The following PKD1L3 variants were observed in gnomAD, a reference collection of about 807,000 sequenced individuals.
PKD1L3 encodes the protein polycystin-1-like protein 3.
In PKD1L3, 239 loss-of-function variants were observed where a neutral mutation model predicts 184.1. The observed-to-expected ratio is 1.30, with a 90% CI of 1.17 to 1.45. The LOEUF is 1.45. PKD1L3 is among the 40% of genes most tolerant of loss of function. The pLI, the probability that PKD1L3 is intolerant of heterozygous loss-of-function variation, is 0.00. For synonymous variants in PKD1L3, 996 were observed against 778.8 expected (o/e 1.28, Z -4.64); for missense variants, 2,660 against 2,067.2 (o/e 1.29, Z -5.56).
Position 71,973,442 on chromosome 16 carries a change from A to G in PKD1L3, c.1835T>C (p.Leu612Pro). The change falls in exon 12 of 30, where the codon CTG becomes CCG. Residue 612 changes from leucine (L) to proline (P), a missense_variant. Coordinates refer to ENST00000620267, the MANE Select transcript of PKD1L3 (RefSeq NM_181536.2). ...CTGAGCACCCTCCTGCCTCTCACTC[A>G]GCACAGCTGTTATATAGTAGGTGCC... ...GIGTYYITAV[L>P]SERQEGAQQT... The G allele has an allele frequency of 6.4e-7, 1 of 1,551,816 alleles. No homozygotes were observed. Among genetic ancestry groups the G allele is most frequent in the Non-Finnish European group, 8.7e-7 (1 of 1,147,038 alleles).
intron 16 of PKD1L3, among the ~76,000 whole-genome samples, chr16:71,955,624 G>A (rs2039015784): frequency 6.6e-6 from 1 of 151,852 alleles, no homozygotes. Context: ...GTGTGCAGGT[G>A]CACACCACTA....
intron 6 of PKD1L3, among the ~76,000 whole-genome samples, chr16:71,982,520 G>A (rs2040201545): frequency 6.6e-6 from 1 of 151,888 alleles, no homozygotes. Context: ...CCTGACCTCA[G>A]GTGATCTTCC....
chr16:71,977,925 C>G (rs2039993435), intron 10 of PKD1L3, among the ~76,000 whole-genome samples: 1 of 152,166 alleles, frequency 6.6e-6, no homozygotes, highest in African/African-American at 2.4e-5. Flanking sequence ...CAGCCACCCA[C>G]TGCCATGCCA....
chr16:71,965,099 T>C (rs562617615), intron 15 of PKD1L3, among the ~76,000 whole-genome samples: 1 of 152,064 alleles, frequency 6.6e-6, no homozygotes, highest in Non-Finnish European at 1.5e-5. Context: ...CTAACCACCT[T>C]GGCCCCCCAA....
rs575951926 is a variant in PKD1L3 at position 71,995,303 on chromosome 16, T to C, written c.419-1971A>G. ...AGCCCCACGTCTTAATGCGATCACA[T>C]TGGCAACACCTGTTTTGGAAGGGGC... is the stretch of plus-strand genomic sequence containing the variant. On this transcript the variant is annotated intron_variant, in intron 2 of 29. Coordinates refer to ENST00000620267, the MANE Select transcript of PKD1L3 (RefSeq NM_181536.2). Among the ~76,000 whole-genome samples the C allele has an allele frequency of 1.2e-4, 19 of 152,290 alleles. No homozygotes were observed. The South Asian group carries it at 2.1e-3, about 17-fold the overall frequency.
chr16:71,930,187 G>A lies in PKD1L3; in HGVS notation c.4927-4C>T. On this transcript the variant is annotated splice_polypyrimidine_tract_variant and splice_region_variant and intron_variant, in intron 28 of 29. Transcript: ENST00000620267. ...GGACTGGGTCTAAAGCGAAAACCTG[G>A]GAAAACAATAAGAACACTTGCAGTG... 2.0e-6 allele frequency: 3 copies of A among 1,538,392 alleles called. No individual in the cohort carries two copies. The highest frequency in any genetic ancestry group is 1.2e-5 in the South Asian group (1 of 82,714).
In PKD1L3 at chr16:71,940,499, A is replaced by AT. The variant is rs150640830; in HGVS notation, c.4324+2060dup. On this transcript the variant is annotated intron_variant, in intron 24 of 29. Transcript: ENST00000620267. ...GCATGGGCACAGAGCTTTGTTTTTT[A>AT]TTTTTTTTTTATTTTTTTGAGATGG... Among the ~76,000 whole-genome samples the AT allele has an allele frequency of 4.5e-3, 679 of 149,792 alleles. 4 individuals carry two copies. Among genetic ancestry groups the AT allele is most frequent in the Middle Eastern group, 0.01 (3 of 286 alleles).
chr16:71,950,170 G>C lies in PKD1L3; in HGVS notation c.3331C>G (p.Leu1111Val). The C allele has an allele frequency of 7.7e-6, 12 of 1,552,296 alleles. No individual in the cohort carries two copies. Among genetic ancestry groups the C allele is most frequent in the Non-Finnish European group, 1.0e-5 (12 of 1,147,112 alleles). Residue 1111 changes from leucine to valine, a missense_variant, in exon 20 of 30, where the codon CTC becomes GTC. Transcript: ENST00000620267. ...FLDAASQLQK[L>V]QELLETHILP... ...ATATGTGTTTCCAAGAGTTCCTGGA[G>C]TTTTTGAAGTTGGCTGGCTGCATCT...
At chr16:71,994,869 T>C (rs1419634479) in intron 2 of PKD1L3, among the ~76,000 whole-genome samples, 1 of 151,816 alleles carries the variant, frequency 6.6e-6, no homozygotes, top group Admixed American at 6.6e-5. Context: ...GTGCCTATAA[T>C]CCCAGCTACT....
intron 5 of PKD1L3, 87 bp from the exon 6 acceptor site, chr16:71,984,254 C>G: frequency 7.3e-7 from 1 of 1,373,828 alleles, no homozygotes; most frequent in East Asian, 2.6e-5. Flanking sequence ...TCCAAGTTGA[C>G]CTTGGGTAAC....
At chr16:71,959,942 G>C (rs2039205429) in intron 16 of PKD1L3, among the ~76,000 whole-genome samples, 1 of 152,000 alleles carries the variant, frequency 6.6e-6, no homozygotes, top group African/African-American at 2.4e-5. Flanking sequence ...AACATGGTGA[G>C]ACCCTGTTTC....
In PKD1L3 at chr16:71,942,815, T is replaced by G; in HGVS notation, c.4069A>C (p.Ser1357Arg). The G allele has an allele frequency of 6.4e-7, 1 of 1,551,632 alleles. No individual in the cohort carries two copies. The highest frequency in any genetic ancestry group is 8.7e-7 in the Non-Finnish European group (1 of 1,146,950). ...YRGKNAVLEP[S>R]HCKCGVQLIF... ...AATTGTACCCCACATTTGCAATGAC[T>G]GGGCTCCAGGACTGCATTCTTACCT... is the stretch of plus-strand genomic sequence containing the variant. Residue 1357 changes from serine (S) to arginine (R), a missense_variant, in exon 24 of 30, where the codon AGT becomes CGT. Physicochemically the swap from Ser to Arg is moderately radical, Grantham distance 110 (BLOSUM62 -1). Transcript: ENST00000620267.
At chr16:71,997,344 T>C (rs1291716202) in intron 2 of PKD1L3, among the ~76,000 whole-genome samples, 1 of 151,742 alleles carries the variant, frequency 6.6e-6, no homozygotes, top group Non-Finnish European at 1.5e-5. Flanking sequence ...CCTAGCACTT[T>C]GAGAGGCCGA....
In PKD1L3 at chr16:71,984,017, C is replaced by A; in HGVS notation, c.966+19G>T. 6.4e-7 allele frequency: 1 copy of A among 1,551,092 alleles called. No homozygotes were observed. Among genetic ancestry groups the A allele is most frequent in the African/African-American group, 1.4e-5 (1 of 73,082 alleles). ...TCCCTCTCTCCTACCTTCTTCCCTC[C>A]CAGTCACCCTCCACTTACCTGAGCT... On this transcript the variant is annotated intron_variant, in intron 6 of 29. Coordinates refer to ENST00000620267, the MANE Select transcript of PKD1L3 (RefSeq NM_181536.2).
intron 16 of PKD1L3, among the ~76,000 whole-genome samples, chr16:71,959,998 G>A (rs539303322): frequency 8.9e-4 from 136 of 152,218 alleles, no homozygotes; most frequent in Admixed American, 1.4e-3. Flanking sequence ...GCACACACCT[G>A]TAGTCCCAGC....
chr16:71,986,635 A>G (rs1382872045), intron 4 of PKD1L3, among the ~76,000 whole-genome samples, 166 bp from the exon 5 acceptor site: 1 of 152,198 alleles, frequency 6.6e-6, no homozygotes, highest in Non-Finnish European at 1.5e-5. Flanking sequence ...ATTTCAAGAA[A>G]TCTGCATATT....
chr16:71,984,990 G>A (rs967333550), intron 5 of PKD1L3, among the ~76,000 whole-genome samples: 1 of 152,102 alleles, frequency 6.6e-6, no homozygotes, highest in East Asian at 1.9e-4. Flanking sequence ...AGTGGCTACT[G>A]CACTTGAACT....
In PKD1L3 at chr16:71,998,738, A is replaced by T. The variant is rs745776025; in HGVS notation, c.296-344T>A. ...AGTGCTAGGATTACAGGCGTGAGCC[A>T]CCACACCCACCCTGCCAGGCATTTT... On this transcript the variant is annotated intron_variant, in intron 1 of 29. Coordinates refer to ENST00000620267, the MANE Select transcript of PKD1L3 (RefSeq NM_181536.2). Among the ~76,000 whole-genome samples the T allele has an allele frequency of 2.0e-5, 3 of 152,216 alleles. No individual in the cohort carries two copies. The East Asian group carries it at 5.8e-4, about 29-fold the overall frequency.
At chr16:71,986,081 G>A (rs560190521) in intron 5 of PKD1L3, 140 bp downstream of exon 5, 15 of 1,122,496 alleles carry the variant, frequency 1.3e-5, no homozygotes, top group Middle Eastern at 4.6e-4. Context: ...CCATGGACTT[G>A]TTTAGTTTTT....
Sources: gnomAD v4.1 joint callset for allele counts (sites outside exome capture counted in the v4.1 genomes callset) on GRCh38, gnomAD v4.1.1 for gene constraint, MANE v1.5 for transcripts, NCBI Gene and HGNC (gene_info 2026-07-23, HGNC 2026-07-21) for gene names.